SNX29: variants seen among roughly 807,000 people sequenced by gnomAD.
SNX29 encodes sorting nexin 29.
In SNX29, 78 loss-of-function variants were observed where a neutral mutation model predicts 102.1. The ratio of observed to expected loss-of-function variants is 0.76; its 90% CI spans 0.64 to 0.92. The LOEUF (loss-of-function observed/expected upper bound fraction) is 0.92. SNX29 is among the 40% of genes least tolerant of loss of function. SNX29 has a pLI of 0.00. For missense variants in SNX29, 1,280 were observed against 1,061.7 expected, an observed-to-expected ratio of 1.21 and a Z score of -2.86; for synonymous variants, 580 against 414.5, an observed-to-expected ratio of 1.40 and a Z score of -4.85.
intron 15 of SNX29, among the ~76,000 whole-genome samples, chr16:12,352,462 C>G (rs2082016164): frequency 6.6e-6 from 1 of 152,116 alleles, no homozygotes; most frequent in African/African-American, 2.4e-5. Context: ...CACATGTATA[C>G]ATACGTAACA....
intron 5 of SNX29, among the ~76,000 whole-genome samples, chr16:12,045,610 ATATTATTATTAT>A (rs68189960): frequency 1.2e-4 from 15 of 127,294 alleles, no homozygotes; most frequent in East Asian, 4.1e-4. Flanking sequence ...GGCAGGCATT[ATATTATTATTAT>A]TATTATTATT....
At chr16:12,548,578 G>C (rs944970555) in intron 20 of SNX29, among the ~76,000 whole-genome samples, 2 of 152,174 alleles carry the variant, frequency 1.3e-5, no homozygotes, top group Non-Finnish European at 2.9e-5. Flanking sequence ...TGGCTTCCCT[G>C]TAAGTCCCAC....
intron 3 of SNX29, among the ~76,000 whole-genome samples, chr16:12,024,841 A>G (rs2057142372): frequency 6.6e-6 from 1 of 152,220 alleles, no homozygotes; most frequent in South Asian, 2.1e-4. Context: ...TTGGTTAATT[A>G]CAGAGAACTC....
chr16:12,249,590 C>T (rs1381520135), intron 14 of SNX29, among the ~76,000 whole-genome samples: 1 of 152,202 alleles, frequency 6.6e-6, no homozygotes, highest in Admixed American at 6.5e-5. Flanking sequence ...GTAGAACCAG[C>T]CTGCCGGGTC....
intron 19 of SNX29, among the ~76,000 whole-genome samples, chr16:12,513,435 C>A (rs2089724360): frequency 6.6e-6 from 1 of 152,034 alleles, no homozygotes; most frequent in African/African-American, 2.4e-5. Flanking sequence ...ACCCTCTCCT[C>A]TTCCCTGCGC....
chr16:12,068,422 A>C (rs1463004222), intron 9 of SNX29, among the ~76,000 whole-genome samples: 1 of 150,386 alleles, frequency 6.6e-6, no homozygotes, highest in Non-Finnish European at 1.5e-5. Context: ...TGGGAGGTTG[A>C]AGCTGCAGTG....
chr16:11,983,955 C>T (rs987158117), intron 1 of SNX29, among the ~76,000 whole-genome samples: 3 of 152,116 alleles, frequency 2.0e-5, no homozygotes, highest in Admixed American at 6.5e-5. Context: ...CACAGATAGG[C>T]ATATAGTACA....
At chr16:12,387,902 A>G (rs577517627) in intron 16 of SNX29, among the ~76,000 whole-genome samples, 2 of 152,196 alleles carry the variant, frequency 1.3e-5, no homozygotes, top group Non-Finnish European at 2.9e-5. Flanking sequence ...ACTCTAAGGA[A>G]GAACCCTGGA....
intron 3 of SNX29, among the ~76,000 whole-genome samples, chr16:12,026,038 C>G (rs1002028244): frequency 5.3e-5 from 8 of 152,046 alleles, no homozygotes; most frequent in Admixed American, 2.6e-4. Flanking sequence ...ATTTTACTAC[C>G]CACAGAGTGA....
intron 20 of SNX29, among the ~76,000 whole-genome samples, chr16:12,558,976 A>G (rs1033580013): frequency 2.0e-5 from 3 of 152,210 alleles, no homozygotes; most frequent in African/African-American, 4.8e-5. Flanking sequence ...AGGGATTCAG[A>G]GACTTTAAAG....
chr16:12,070,102 T>G (rs1358480965), intron 10 of SNX29, among the ~76,000 whole-genome samples: 1 of 152,236 alleles, frequency 6.6e-6, no homozygotes, highest in East Asian at 1.9e-4. Flanking sequence ...TGGCATGTAT[T>G]AAGCACTATA....
intron 18 of SNX29, among the ~76,000 whole-genome samples, chr16:12,465,556 C>T (rs574728117): frequency 6.6e-6 from 1 of 152,168 alleles, no homozygotes; most frequent in South Asian, 2.1e-4. Flanking sequence ...TTGTTCTGTT[C>T]TCATGGTCTA....
intron 19 of SNX29, among the ~76,000 whole-genome samples, chr16:12,492,521 GC>G (rs1322258647): frequency 6.6e-6 from 1 of 152,056 alleles, no homozygotes; most frequent in Non-Finnish European, 1.5e-5. Context: ...CTGTGCAGAA[GC>G]TCTTTAGTTT....
intron 15 of SNX29, among the ~76,000 whole-genome samples, chr16:12,294,530 C>A (rs2079913390): frequency 6.6e-6 from 1 of 152,306 alleles, no homozygotes; most frequent in Non-Finnish European, 1.5e-5. Context: ...ACCCGCCTCC[C>A]TCTGCTGTCT....
chr16:12,566,789 C>T (rs926495287), intron 20 of SNX29, among the ~76,000 whole-genome samples: 3 of 152,228 alleles, frequency 2.0e-5, no homozygotes, highest in Admixed American at 1.3e-4. Flanking sequence ...ACACGCCAGG[C>T]TGGTTGGGCT....
chr16:12,061,395 C>T (rs1166486798), intron 8 of SNX29, 133 bp from the exon 9 acceptor site: 6 of 682,154 alleles, frequency 8.8e-6, no homozygotes, highest in South Asian at 1.8e-5. Flanking sequence ...TACCTCCCAG[C>T]CCACACCTCC....
intron 15 of SNX29, among the ~76,000 whole-genome samples, chr16:12,355,474 G>T (rs376748657): frequency 6.6e-6 from 1 of 152,236 alleles, no homozygotes; most frequent in South Asian, 2.1e-4. Flanking sequence ...AGGGAGCTAG[G>T]GGTCTAGATA....
At chr16:12,232,864 C>T (rs1240506259) in intron 14 of SNX29, among the ~76,000 whole-genome samples, 3 of 152,202 alleles carry the variant, frequency 2.0e-5, no homozygotes, top group African/African-American at 7.2e-5. Context: ...TCACTATCAG[C>T]CTCAATGCTG....
At chr16:12,328,995 G>A (rs552549287) in intron 15 of SNX29, among the ~76,000 whole-genome samples, 34 of 152,042 alleles carry the variant, frequency 2.2e-4, no homozygotes, top group Non-Finnish European at 3.5e-4. Flanking sequence ...CCCCTGGCCA[G>A]GCATGATGGC....
Sources: gnomAD v4.1 joint callset for allele counts (sites outside exome capture counted in the v4.1 genomes callset) on GRCh38, gnomAD v4.1.1 for gene constraint, MANE v1.5 for transcripts, NCBI Gene and HGNC (gene_info 2026-07-23, HGNC 2026-07-21) for gene names.